PHEX: variants seen among roughly 807,000 people sequenced by gnomAD.
PHEX encodes phosphate regulating endopeptidase X-linked, also known as phosphate-regulating neutral endopeptidase PHEX.
In PHEX, 16 loss-of-function variants were observed where a neutral mutation model predicts 68.0. The observed-to-expected ratio is 0.24, with a 90% CI of 0.16 to 0.36. PHEX has a LOEUF of 0.36. PHEX is among the 10% of genes least tolerant of loss of function. The pLI, the probability that PHEX is intolerant of heterozygous loss-of-function variation, is 1.00. For missense variants in PHEX, 480 were observed against 575.5 expected (o/e 0.83, Z 1.70); for synonymous variants, 208 against 205.1 (o/e 1.01, Z -0.12).
rs139081271 is a variant in PHEX, at chrX:22,111,379, C to A, written c.1080-88C>A. On this transcript the variant is annotated intron_variant, in intron 9 of 21. Transcript: ENST00000379374. ...ATGAGTAAGAGGTCCCTCGATGGAG[C>A]TTTGCCAACTGTTTCTCTCAAGATG... The A allele has an allele frequency of 5.5e-3, 4,121 of 743,613 alleles. 98 individuals carry two copies. The Admixed American group carries it at 0.071, about 13-fold the overall frequency. 61.3% of individuals were successfully genotyped at this position (743,613 alleles called of 1,213,427 possible).
intron 12 of PHEX, among the ~76,000 whole-genome samples, chrX:22,140,854 A>T (rs868432548): frequency 9.0e-6 from 1 of 110,967 alleles, no homozygotes; most frequent in African/African-American, 3.3e-5. Context: ...GTCAGACTGG[A>T]TGTTCTAAAT....
At chrX:22,229,641 C>T (rs1190642327) in intron 20 of PHEX, among the ~76,000 whole-genome samples, 1 of 112,042 alleles carries the variant, frequency 8.9e-6, no homozygotes, top group Admixed American at 9.4e-5. Context: ...TCGATACTAG[C>T]CCTTTGTCAA....
intron 2 of PHEX, among the ~76,000 whole-genome samples, chrX:22,039,728 G>A (rs1173750058): frequency 8.9e-6 from 1 of 111,783 alleles, no homozygotes; most frequent in Non-Finnish European, 1.9e-5. Context: ...ATCAGTGCCT[G>A]GGAATGTTCA....
chrX:22,071,851 A>C (rs1445721220), intron 3 of PHEX, among the ~76,000 whole-genome samples: 1 of 112,392 alleles, frequency 8.9e-6, no homozygotes, highest in Non-Finnish European at 1.9e-5. Context: ...TAATCCCAGC[A>C]CTTTGGGAGG....
At position 22,090,078 on chromosome X, in the gene PHEX, A is replaced by G. The variant is rs780812659; in HGVS notation, c.664-351A>G. On this transcript the variant is annotated intron_variant, in intron 5 of 21. Coordinates refer to ENST00000379374, the MANE Select transcript of PHEX (RefSeq NM_000444.6). ...CCAATCATGTTACCTTGGGAAAGTC[A>G]CAACAATTATCTGGCTTTTGTTTCT... Among the ~76,000 whole-genome samples the G allele has an allele frequency of 1.2e-4, 14 of 112,344 alleles. No homozygotes were observed. The South Asian group carries it at 3.7e-3, about 30-fold the overall frequency.
intron 9 of PHEX, among the ~76,000 whole-genome samples, chrX:22,110,999 A>G (rs746199325): frequency 2.4e-4 from 27 of 112,490 alleles, no homozygotes; most frequent in Non-Finnish European, 4.5e-4. Context: ...CACAGCACCC[A>G]GAGAAAACCT....
intron 3 of PHEX, among the ~76,000 whole-genome samples, chrX:22,072,420 G>C (rs11798644): frequency 9.1e-6 from 1 of 110,409 alleles, no homozygotes; most frequent in Non-Finnish European, 1.9e-5. Context: ...CAAAAAAAAA[G>C]AAAAATAAAA....
chrX:22,145,470 G>A (rs888547838), intron 12 of PHEX, among the ~76,000 whole-genome samples: 41 of 111,358 alleles, frequency 3.7e-4, no homozygotes, highest in Non-Finnish European at 1.5e-4. Flanking sequence ...ACAAAAATTA[G>A]CCAGGCATGG....
intron 13 of PHEX, chrX:22,173,116 AAG>A (rs1933591337): frequency 9.0e-6 from 1 of 111,386 alleles, no homozygotes; most frequent in Non-Finnish European, 1.9e-5. Context: ...GCTGCAGAAA[AAG>A]AGGTTGTTAA....
At chrX:22,228,776 G>A (rs2051963807) in intron 20 of PHEX, among the ~76,000 whole-genome samples, 1 of 111,086 alleles carries the variant, frequency 9.0e-6, no homozygotes, top group African/African-American at 3.3e-5. Flanking sequence ...CGTGCAGAAC[G>A]TGCAGTTTTG....
chrX:22,120,873 G>C (rs1569400403), intron 11 of PHEX, among the ~76,000 whole-genome samples: 1 of 111,770 alleles, frequency 8.9e-6, no homozygotes, highest in Non-Finnish European at 1.9e-5. Flanking sequence ...TTTTTCTATT[G>C]TGTTGATGGG....
intron 15 of PHEX, among the ~76,000 whole-genome samples, chrX:22,198,764 T>C (rs950419332): frequency 9.0e-6 from 1 of 111,308 alleles, no homozygotes; most frequent in South Asian, 3.8e-4. Flanking sequence ...GTATAGTTTT[T>C]TTGCGGGGAG....
At chrX:22,157,305 A>G (rs1273543646) in intron 12 of PHEX, among the ~76,000 whole-genome samples, 1 of 112,322 alleles carries the variant, frequency 8.9e-6, no homozygotes, top group African/African-American at 3.2e-5. Context: ...AAGCCTGGAC[A>G]ACACGGTGAA....
At chrX:22,118,680 G>C (rs940039953) in intron 11 of PHEX, among the ~76,000 whole-genome samples, 5 of 111,221 alleles carry the variant, frequency 4.5e-5, no homozygotes, top group Non-Finnish European at 9.4e-5. Context: ...TAAAGAGTGA[G>C]TGGGAGAGAG....
rs1936532946 is a variant in PHEX at position 22,250,308 on chromosome X, T to G, written c.*2355T>G. ...AAGTGGTAGAAAGAGAAAGGTAAAATGCAACTGGAAGGGAAAGAAAAAAGT... is the reference window on the plus strand; with the variant it reads ...AAGTGGTAGAAAGAGAAAGGTAAAAGGCAACTGGAAGGGAAAGAAAAAAGT... On this transcript the variant is annotated 3_prime_UTR_variant, in exon 22 of 22. Transcript: ENST00000379374. 1 of 111,783 alleles carries G rather than the reference T, an allele frequency of 8.9e-6. No individual in the cohort carries two copies. The highest frequency in any genetic ancestry group is 1.9e-5 in the Non-Finnish European group (1 of 53,161). 9.2% of individuals were successfully genotyped at this position (111,783 alleles called of 1,213,427 possible). A position where few individuals can be genotyped will look rare whatever the true frequency, so the allele number is the denominator to read the frequency against.
In PHEX at chrX:22,209,500, C is replaced by T. The variant is rs1041603664; in HGVS notation, c.1646-3404C>T. ...TTTTCCATATCGCCACATAGTTACT[C>T]GTTTTTTTTTTTAATGGCATTTAAA... On this transcript the variant is annotated intron_variant, in intron 15 of 21. Coordinates refer to ENST00000379374, the MANE Select transcript of PHEX (RefSeq NM_000444.6). Among the ~76,000 whole-genome samples, 9 of 104,221 alleles carry T rather than the reference C, an allele frequency of 8.6e-5. 1 individual carries two copies. 90.5% of individuals were successfully genotyped at this position (104,221 alleles called of 115,157 possible).
chrX:22,233,799 G>A (rs187102837), intron 20 of PHEX, among the ~76,000 whole-genome samples: 1 of 111,635 alleles, frequency 9.0e-6, no homozygotes, highest in East Asian at 2.9e-4. Context: ...CCCACCTTCT[G>A]AAGCCTACTT....
At chrX:22,209,952 A>AAAT (rs1934863628) in intron 15 of PHEX, among the ~76,000 whole-genome samples, 1 of 106,113 alleles carries the variant, frequency 9.4e-6, no homozygotes, top group South Asian at 4.1e-4. Context: ...AAAAAAAAAA[A>AAAT]AAATAAATAA....
chrX:22,124,718 T>C (rs771585970), intron 11 of PHEX, among the ~76,000 whole-genome samples: 18 of 112,185 alleles, frequency 1.6e-4, no homozygotes, highest in Non-Finnish European at 2.8e-4. Flanking sequence ...AGCCTATATG[T>C]TCATATCCAG....
Sources: allele counts gnomAD v4.1 joint callset (sites outside exome capture counted in the v4.1 genomes callset), GRCh38; gene constraint gnomAD v4.1.1; transcripts MANE v1.5; gene names NCBI Gene and HGNC (gene_info 2026-07-23, HGNC 2026-07-21).